CR1: variants seen among roughly 807,000 people sequenced by gnomAD.
CR1 encodes the protein complement C3b/C4b receptor 1 (Knops blood group), also known as complement receptor type 1.
CR1 carries 116 observed loss-of-function variants against 187.3 expected under a neutral mutation model. The observed-to-expected ratio is 0.62, with a 90% confidence interval of 0.53 to 0.72. The LOEUF (loss-of-function observed/expected upper bound fraction) is 0.72. CR1 is among the 30% of genes least tolerant of loss of function. CR1 has a pLI of 0.00. For missense variants in CR1, 1,731 were observed against 2,110.7 expected (o/e 0.82, Z 3.52); for synonymous variants, 576 against 747.1 (o/e 0.77, Z 3.73).
chr1:207,585,286 G>A (rs1389819107), intron 33 of CR1, among the ~76,000 whole-genome samples: 3 of 152,178 alleles, frequency 2.0e-5, no homozygotes, highest in Non-Finnish European at 4.4e-5. Context: ...GTTCAAAATT[G>A]GAAATGTGGA....
chr1:207,509,345 A>C (rs1335711036), intron 3 of CR1, among the ~76,000 whole-genome samples: 1 of 152,170 alleles, frequency 6.6e-6, no homozygotes. Flanking sequence ...GAGATCCAAA[A>C]AGGTAGGGTA....
intron 1 of CR1, among the ~76,000 whole-genome samples, chr1:207,503,437 G>T (rs1012850427): frequency 6.6e-6 from 1 of 152,156 alleles, no homozygotes; most frequent in African/African-American, 2.4e-5. Context: ...GTCTAAAATA[G>T]ATCCATAGGG....
intron 1 of CR1, among the ~76,000 whole-genome samples, chr1:207,497,849 A>G (rs1659138969): frequency 1.3e-5 from 2 of 152,248 alleles, no homozygotes; most frequent in Non-Finnish European, 2.9e-5. Context: ...GAAACAGCCT[A>G]AACTAAACTA....
intron 33 of CR1, among the ~76,000 whole-genome samples, chr1:207,586,552 T>C (rs1661117107): frequency 6.6e-6 from 1 of 152,220 alleles, no homozygotes; most frequent in South Asian, 2.1e-4. Flanking sequence ...CAAAAGAAAC[T>C]TATTATTTCA....
At chr1:207,504,006 TG>T (rs1659353290) in intron 1 of CR1, among the ~76,000 whole-genome samples, 1 of 152,226 alleles carries the variant, frequency 6.6e-6, no homozygotes, top group African/African-American at 2.4e-5. Context: ...AAAATAAATT[TG>T]TGCTAGTTTT....
intron 1 of CR1, among the ~76,000 whole-genome samples, chr1:207,498,786 G>A (rs1659167162): frequency 7.0e-6 from 1 of 143,458 alleles, no homozygotes; most frequent in Non-Finnish European, 1.5e-5. Context: ...GCTGAGGCAT[G>A]AGAATCGCTT....
chr1:207,501,309 T>C (rs1355923602), intron 1 of CR1, among the ~76,000 whole-genome samples: 10 of 152,228 alleles, frequency 6.6e-5, no homozygotes, highest in Admixed American at 6.5e-4. Context: ...AAACGTTTAT[T>C]GTCTTCATTT....
chr1:207,498,877 C>CAAAAAAAAAAAAAAAAAAAAAAAAAAAAA (rs56044498), intron 1 of CR1, among the ~76,000 whole-genome samples: 10 of 50,106 alleles, frequency 2.0e-4, no homozygotes, highest in South Asian at 1.8e-3. Context: ...AACTCCAAAT[C>CAAAAAAAAAAAAAAAAAAAAAAAAAAAAA]AAAAAAAAAA....
intron 46 of CR1, among the ~76,000 whole-genome samples, chr1:207,636,591 CA>C (rs1662821644): frequency 6.6e-6 from 1 of 152,182 alleles, no homozygotes; most frequent in Non-Finnish European, 1.5e-5. Flanking sequence ...GTGAATTCCA[CA>C]ATCTTGTAGA....
intron 37 of CR1, among the ~76,000 whole-genome samples, chr1:207,610,360 T>G (rs1476470892): frequency 1.3e-5 from 2 of 152,180 alleles, no homozygotes; most frequent in Non-Finnish European, 2.9e-5. Flanking sequence ...TGAGAGAAGG[T>G]CTCGCTCTGT....
intron 4 of CR1, among the ~76,000 whole-genome samples, chr1:207,523,170 T>C (rs1660050280): frequency 6.6e-6 from 1 of 152,224 alleles, no homozygotes; most frequent in African/African-American, 2.4e-5. Flanking sequence ...ATGTTTAAAT[T>C]CTTTTTCCTA....
intron 32 of CR1, among the ~76,000 whole-genome samples, chr1:207,582,409 G>A (rs1308412350): frequency 6.6e-6 from 1 of 152,208 alleles, no homozygotes; most frequent in African/African-American, 2.4e-5. Flanking sequence ...TATGTGCCAA[G>A]CAATCTTCTG....
intron 35 of CR1, among the ~76,000 whole-genome samples, chr1:207,598,576 C>T (rs956944198): frequency 6.6e-5 from 10 of 152,240 alleles, no homozygotes; most frequent in Admixed American, 2.0e-4. Context: ...TGCGCCACCA[C>T]GCTGAGCTCA....
chr1:207,624,510 T>G (rs1391992559), intron 45 of CR1, among the ~76,000 whole-genome samples: 1 of 152,172 alleles, frequency 6.6e-6, no homozygotes, highest in Non-Finnish European at 1.5e-5. Context: ...GAAACTGAAG[T>G]TTTGATATTT....
intron 35 of CR1, among the ~76,000 whole-genome samples, chr1:207,602,676 T>C (rs140821175): frequency 6.6e-6 from 1 of 152,148 alleles, no homozygotes; most frequent in East Asian, 1.9e-4. Flanking sequence ...CAGCCCCCTG[T>C]ATTTAGAGAG....
At chr1:207,608,832 T>C (rs751591521) in intron 36 of CR1, among the ~76,000 whole-genome samples, 1 of 152,220 alleles carries the variant, frequency 6.6e-6, no homozygotes, top group Non-Finnish European at 1.5e-5. Flanking sequence ...TATTCATTTA[T>C]CATTTTATTG....
Position 207,505,917 on chromosome 1 carries a change from C to G in CR1, c.135C>G (p.Ala45=). The part of the protein sequence containing the change: ...ALPVAWGQCN[A]PEWLPFARPT... ...CTTGATCTCCAGGTCAATGCAATGC[C>G]CCAGAATGGCTTCCATTTGCCAGGC... The change falls in exon 2 of 47, where the codon GCC becomes GCG. Residue 45 remains alanine, a synonymous_variant. Transcript: ENST00000367049. 6.2e-7 allele frequency: 1 copy of G among 1,613,708 alleles called. No homozygotes were observed.
chr1:207,515,080 C>T (rs1489285729), intron 4 of CR1, among the ~76,000 whole-genome samples: 1 of 138,754 alleles, frequency 7.2e-6, no homozygotes, highest in African/African-American at 2.6e-5. Flanking sequence ...TATACGTATG[C>T]ATACGTGTAT....
At chr1:207,628,177 C>CT (rs1217167010) in intron 45 of CR1, among the ~76,000 whole-genome samples, 9 of 152,130 alleles carry the variant, frequency 5.9e-5, no homozygotes, top group Non-Finnish European at 1.3e-4. Flanking sequence ...TTAAGAATAC[C>CT]TAATTACTCT....
Sources: allele counts gnomAD v4.1 joint callset (sites outside exome capture counted in the v4.1 genomes callset), GRCh38; gene constraint gnomAD v4.1.1; transcripts MANE v1.5; gene names NCBI Gene and HGNC (gene_info 2026-07-23, HGNC 2026-07-21).